GRID2: variants seen among roughly 807,000 people sequenced by gnomAD.
GRID2 encodes glutamate ionotropic receptor delta type subunit 2.
GRID2 carries 33 observed loss-of-function variants against 114.8 expected under a neutral mutation model. The ratio of observed to expected loss-of-function variants is 0.29; its 90% CI spans 0.22 to 0.38. The LOEUF is 0.38. GRID2 is among the 10% of genes least tolerant of loss of function. GRID2 has a pLI of 1.00. For synonymous variants in GRID2, 505 were observed against 449.9 expected, an observed-to-expected ratio of 1.12 and a Z score of -1.55; for missense variants, 1,184 against 1,257.7, an observed-to-expected ratio of 0.94 and a Z score of 0.89.
intron 2 of GRID2, among the ~76,000 whole-genome samples, chr4:92,769,652 G>A (rs1738442379): frequency 6.6e-6 from 1 of 152,152 alleles, no homozygotes; most frequent in Non-Finnish European, 1.5e-5. Context: ...TGACTTCTGT[G>A]CACCTGCAGG....
At chr4:92,857,135 CCCTCCCGCT>C (rs1283770327) in intron 2 of GRID2, among the ~76,000 whole-genome samples, 1 of 152,100 alleles carries the variant, frequency 6.6e-6, no homozygotes, top group African/African-American at 2.4e-5. Context: ...TGTTCCATTC[CCCTCCCGCT>C]CCTCAAGCCT....
chr4:93,700,908 C>CT (rs983233063), intron 14 of GRID2, among the ~76,000 whole-genome samples: 22 of 151,108 alleles, frequency 1.5e-4, no homozygotes, highest in African/African-American at 2.7e-4. Context: ...CTTTCTTTTC[C>CT]TTTTTTTTTC....
intron 2 of GRID2, among the ~76,000 whole-genome samples, chr4:92,993,115 C>T (rs529016325): frequency 2.0e-5 from 3 of 151,862 alleles, no homozygotes; most frequent in Admixed American, 6.6e-5. Context: ...GATGGCCTTG[C>T]GAGACATTTG....
intron 4 of GRID2, among the ~76,000 whole-genome samples, chr4:93,186,428 C>T (rs902448427): frequency 3.3e-5 from 5 of 152,140 alleles, no homozygotes; most frequent in African/African-American, 7.2e-5. Context: ...TTTTAATGAT[C>T]GCCATTCTAA....
At chr4:93,104,843 AAATGGTATT>A (rs1732049652) in intron 3 of GRID2, among the ~76,000 whole-genome samples, 1 of 152,106 alleles carries the variant, frequency 6.6e-6, no homozygotes, top group Non-Finnish European at 1.5e-5. Context: ...TGGCTGGGTC[AAATGGTATT>A]TCTAGTTCTA....
chr4:93,026,759 A>G (rs1723919222), intron 2 of GRID2, among the ~76,000 whole-genome samples: 1 of 151,964 alleles, frequency 6.6e-6, no homozygotes, highest in South Asian at 2.1e-4. Flanking sequence ...GAGTATATTT[A>G]TGAATACCTA....
intron 14 of GRID2, among the ~76,000 whole-genome samples, chr4:93,703,436 T>C (rs929587689): frequency 1.3e-5 from 2 of 152,186 alleles, no homozygotes. Context: ...ATTTTTAATG[T>C]ATAATAAGTT....
In GRID2 at chr4:93,172,318, C is replaced by T. The variant is rs368018249; in HGVS notation, c.736-35086C>T. On this transcript the variant is annotated intron_variant, in intron 4 of 15. Coordinates refer to ENST00000282020, the MANE Select transcript of GRID2 (RefSeq NM_001510.4). ...ATGAAAATAATGAGAATTGGCCAGG[C>T]GCGGTGGCTCACACCTATAATGCCA... is the stretch of plus-strand genomic sequence containing the variant. Among the ~76,000 whole-genome samples, 30 of 152,132 alleles carry T rather than the reference C, an allele frequency of 2.0e-4. No homozygotes were observed. In the East Asian group the frequency reaches 4.3e-3, roughly 22 times the overall value.
chr4:93,264,775 A>T (rs28521700), intron 8 of GRID2, among the ~76,000 whole-genome samples: 3 of 125,066 alleles, frequency 2.4e-5, no homozygotes, highest in African/African-American at 6.3e-5. Context: ...TATATATATA[A>T]ATATATATAA....
At chr4:92,965,864 T>C (rs978718881) in intron 2 of GRID2, among the ~76,000 whole-genome samples, 2 of 151,934 alleles carry the variant, frequency 1.3e-5, no homozygotes, top group Non-Finnish European at 2.9e-5. Flanking sequence ...TCTTTTACAA[T>C]ATTTATACTG....
At chr4:92,609,066 A>G (rs1288613443) in intron 2 of GRID2, among the ~76,000 whole-genome samples, 1 of 151,786 alleles carries the variant, frequency 6.6e-6, no homozygotes, top group African/African-American at 2.4e-5. Context: ...AGTTTTCATT[A>G]GTAAAGATGA....
intron 1 of GRID2, among the ~76,000 whole-genome samples, chr4:92,333,435 T>TA (rs757563785): frequency 1.4e-4 from 22 of 152,292 alleles, no homozygotes; most frequent in Non-Finnish European, 2.8e-4. Context: ...GAAATGCCTT[T>TA]AGGGTCATTC....
chr4:93,400,313 A>G (rs776588848), intron 9 of GRID2, among the ~76,000 whole-genome samples: 5 of 152,144 alleles, frequency 3.3e-5, no homozygotes, highest in Non-Finnish European at 7.4e-5. Context: ...AATATGTCTT[A>G]GAAATGGAGG....
At chr4:93,750,790 G>A (rs1030037674) in intron 14 of GRID2, among the ~76,000 whole-genome samples, 10 of 152,112 alleles carry the variant, frequency 6.6e-5, no homozygotes, top group African/African-American at 2.4e-4. Flanking sequence ...ACCAGGCATC[G>A]AGACACATTT....
intron 14 of GRID2, among the ~76,000 whole-genome samples, chr4:93,697,865 G>GTATA (rs574552355): frequency 3.9e-4 from 29 of 74,826 alleles, no homozygotes; most frequent in African/African-American, 9.8e-4. Context: ...ATTCCACAAT[G>GTATA]TGTGTATATA....
At chr4:93,618,291 C>T (rs1012561284) in intron 13 of GRID2, among the ~76,000 whole-genome samples, 11 of 152,094 alleles carry the variant, frequency 7.2e-5, no homozygotes, top group African/African-American at 2.7e-4. Context: ...CTGCTGTTTC[C>T]CTGGAGTGTA....
chr4:93,220,254 T>TATA (rs1561003321), intron 6 of GRID2, among the ~76,000 whole-genome samples: 24 of 151,598 alleles, frequency 1.6e-4, no homozygotes, highest in African/African-American at 5.3e-4. Context: ...ATATATATAT[T>TATA]TTTTTAGATT....
intron 4 of GRID2, among the ~76,000 whole-genome samples, chr4:93,152,836 C>T (rs1298308608): frequency 6.6e-6 from 1 of 151,972 alleles, no homozygotes; most frequent in East Asian, 1.9e-4. Flanking sequence ...AGGTGTTCGG[C>T]AGTTATAAAT....
intron 11 of GRID2, among the ~76,000 whole-genome samples, chr4:93,460,543 G>T (rs1230400279): frequency 6.6e-6 from 1 of 152,050 alleles, no homozygotes; most frequent in East Asian, 1.9e-4. Flanking sequence ...TCCTCAACAT[G>T]TATTTGTCAT....
Sources: gnomAD v4.1 joint callset for allele counts (sites outside exome capture counted in the v4.1 genomes callset) on GRCh38, gnomAD v4.1.1 for gene constraint, MANE v1.5 for transcripts, NCBI Gene and HGNC (gene_info 2026-07-23, HGNC 2026-07-21) for gene names.